MYO3A: variants seen among roughly 807,000 people sequenced by gnomAD.
The protein encoded by MYO3A is myosin-IIIa.
In MYO3A, 180 loss-of-function variants were observed where a neutral mutation model predicts 192.7. That is an observed-to-expected ratio of 0.93 (90% CI 0.83 to 1.06). MYO3A has a LOEUF of 1.06. Among genes scored for constraint, MYO3A ranks in the 50% least tolerant of loss-of-function variants. The pLI, the probability that MYO3A is intolerant of heterozygous loss-of-function variation, is 0.00. For synonymous variants in MYO3A, 628 were observed against 645.3 expected, an observed-to-expected ratio of 0.97 and a Z score of 0.41; for missense variants, 1,896 against 1,905.0, an observed-to-expected ratio of 1.00 and a Z score of 0.09.
intron 4 of MYO3A, among the ~76,000 whole-genome samples, chr10:25,970,173 C>T (rs962104891): frequency 1.3e-5 from 2 of 151,862 alleles, no homozygotes; most frequent in Non-Finnish European, 2.9e-5. Context: ...TTTGAGGATA[C>T]ATAAAATTTA....
At chr10:25,970,770 A>G (rs932359298) in intron 4 of MYO3A, among the ~76,000 whole-genome samples, 3 of 151,984 alleles carry the variant, frequency 2.0e-5, no homozygotes, top group African/African-American at 7.2e-5. Flanking sequence ...TAGACATTCA[A>G]ATGATATTAA....
intron 26 of MYO3A, among the ~76,000 whole-genome samples, chr10:26,160,272 A>G (rs1004604992): frequency 6.6e-6 from 1 of 152,210 alleles, no homozygotes; most frequent in Non-Finnish European, 1.5e-5. Flanking sequence ...AGGCACAGAC[A>G]TGGAAAGTTA....
At chr10:26,079,034 C>T (rs2131445884) in intron 14 of MYO3A, among the ~76,000 whole-genome samples, 1 of 152,162 alleles carries the variant, frequency 6.6e-6, no homozygotes, top group East Asian at 1.9e-4. Context: ...TCCATTTGTT[C>T]CAAGGTATAG....
At chr10:25,957,515 G>GTT (rs1837630740) in intron 4 of MYO3A, among the ~76,000 whole-genome samples, 1 of 152,124 alleles carries the variant, frequency 6.6e-6, no homozygotes, top group Non-Finnish European at 1.5e-5. Context: ...TTGATTTCAT[G>GTT]TTTTTGCTAT....
chr10:26,203,060 A>G lies in MYO3A; in HGVS notation c.4683A>G (p.Arg1561=). The G allele has an allele frequency of 6.2e-7, 1 of 1,613,860 alleles. No individual in the cohort carries two copies. The highest frequency in any genetic ancestry group is 8.5e-7 in the Non-Finnish European group (1 of 1,179,834). Residue 1561 remains arginine (R), a synonymous_variant, in exon 34 of 35, where the codon CGA becomes CGG. Coordinates refer to ENST00000642920, the MANE Select transcript of MYO3A (RefSeq NM_017433.5). ...AACATAGCCCTAGTTTAAGAGAACG[A>G]AGACCACAGCAAGAACTCCAGAATC... ...PKEHSPSLRE[R]RPQQELQNQC...
intron 10 of MYO3A, among the ~76,000 whole-genome samples, chr10:26,029,410 A>C (rs929393405): frequency 6.6e-6 from 1 of 152,132 alleles, no homozygotes; most frequent in African/African-American, 2.4e-5. Context: ...TTTACCTCAC[A>C]TGTCTTGCAA....
At chr10:26,085,609 A>C (rs1836256610) in intron 14 of MYO3A, among the ~76,000 whole-genome samples, 1 of 152,168 alleles carries the variant, frequency 6.6e-6, no homozygotes, top group South Asian at 2.1e-4. Flanking sequence ...CTCAGGGTGC[A>C]AGGTGCCACC....
chr10:25,936,301 A>G (rs1836060082), intron 2 of MYO3A, among the ~76,000 whole-genome samples: 1 of 152,042 alleles, frequency 6.6e-6, no homozygotes, highest in Non-Finnish European at 1.5e-5. Flanking sequence ...TTGAAGGTCC[A>G]TTATTTGCTA....
intron 7 of MYO3A, among the ~76,000 whole-genome samples, chr10:26,020,909 A>G (rs1470418081): frequency 6.6e-6 from 1 of 152,226 alleles, no homozygotes; most frequent in Admixed American, 6.5e-5. Flanking sequence ...GGGTGGCCCC[A>G]GATAGGCTGT....
chr10:25,986,533 C>A lies in MYO3A; in HGVS notation c.304-9957C>A, dbSNP rs180963779. On this transcript the variant is annotated intron_variant, in intron 4 of 34. Transcript: ENST00000642920. The stretch of plus-strand genomic sequence containing the variant: ...TTTCAGGAAACAAAATTGATGTACA[C>A]AAATCAGTGGCTCTGCTATATGCCA... 3.9e-4 allele frequency among the ~76,000 whole-genome samples: 59 copies of A among 152,252 alleles called. 1 individual carries two copies. The East Asian group carries it at 6.9e-3, about 18-fold the overall frequency.
intron 4 of MYO3A, among the ~76,000 whole-genome samples, chr10:25,990,784 A>G (rs1196236635): frequency 6.6e-6 from 1 of 151,218 alleles, no homozygotes. Flanking sequence ...TCCTTGCCAT[A>G]GTTTGCTGAG....
chr10:25,942,240 G>C (rs1196007504), intron 2 of MYO3A, among the ~76,000 whole-genome samples: 1 of 152,110 alleles, frequency 6.6e-6, no homozygotes, highest in African/African-American at 2.4e-5. Flanking sequence ...GACCTCAAGT[G>C]ATCTGCCTGC....
intron 17 of MYO3A, among the ~76,000 whole-genome samples, chr10:26,100,159 T>A (rs766362945): frequency 6.6e-6 from 1 of 152,204 alleles, no homozygotes; most frequent in South Asian, 2.1e-4. Flanking sequence ...GTCCAGGAAT[T>A]TATCCATTTC....
At chr10:26,199,276 C>T (rs1042205421) in intron 32 of MYO3A, among the ~76,000 whole-genome samples, 8 of 152,292 alleles carry the variant, frequency 5.3e-5, no homozygotes, top group East Asian at 1.9e-4. Context: ...CACAAGGCCA[C>T]GCGCAGCGGC....
chr10:26,009,081 C>T (rs1841440121), intron 6 of MYO3A, among the ~76,000 whole-genome samples: 2 of 151,796 alleles, frequency 1.3e-5, no homozygotes, highest in African/African-American at 2.4e-5. Flanking sequence ...TTTTTAGGGA[C>T]GTGGATGAAA....
At chr10:25,936,825 ATAAT>A (rs1447564942) in intron 2 of MYO3A, among the ~76,000 whole-genome samples, 2 of 152,144 alleles carry the variant, frequency 1.3e-5, no homozygotes, top group Non-Finnish European at 2.9e-5. Context: ...GCTTCTCCTG[ATAAT>A]TAAGTGACAT....
intron 4 of MYO3A, among the ~76,000 whole-genome samples, chr10:25,984,855 A>G (rs777054941): frequency 2.0e-5 from 3 of 152,344 alleles, no homozygotes; most frequent in Non-Finnish European, 2.9e-5. Context: ...TGAACTGAAC[A>G]ATAATAGTGA....
chr10:26,212,172 C>A lies in MYO3A; in HGVS notation c.*209C>A, dbSNP rs1228750516. 1 of 669,538 alleles carries A rather than the reference C, an allele frequency of 1.5e-6. No homozygotes were observed. The highest frequency in any genetic ancestry group is 2.8e-5 in the East Asian group (1 of 35,480). The allele number at this position is 669,538 out of a possible 1,614,324, so 41.5% of individuals were successfully genotyped here. ...ACCTGGGAGCCCTCGGGAAACCTCC[C>A]CCGACGCTCTCTCTCGGAACTCCCG... On this transcript the variant is annotated 3_prime_UTR_variant, in exon 35 of 35. Transcript: ENST00000642920.
At chr10:25,953,299 G>A (rs2130563722) in intron 3 of MYO3A, among the ~76,000 whole-genome samples, 1 of 151,772 alleles carries the variant, frequency 6.6e-6, no homozygotes, top group African/African-American at 2.4e-5. Context: ...TTTTTTGATA[G>A]TTTATTTCTG....
Sources: gnomAD v4.1 joint callset for allele counts (sites outside exome capture counted in the v4.1 genomes callset) on GRCh38, gnomAD v4.1.1 for gene constraint, MANE v1.5 for transcripts, NCBI Gene and HGNC (gene_info 2026-07-23, HGNC 2026-07-21) for gene names.